The following TMEM255B variants were observed in gnomAD, a reference collection of about 807,000 sequenced individuals.
The protein encoded by TMEM255B is transmembrane protein 255B, also known as family with sequence similarity 70, member B.
TMEM255B carries 35 observed loss-of-function variants against 34.5 expected under a neutral mutation model. That is an observed-to-expected ratio of 1.01 (90% CI 0.77 to 1.34). TMEM255B has a LOEUF of 1.34. TMEM255B is among the 40% of genes most tolerant of loss of function. The pLI, the probability that TMEM255B is intolerant of heterozygous loss-of-function variation, is 0.00. For missense variants in TMEM255B, 432 were observed against 433.2 expected (o/e 1.00, Z 0.02); for synonymous variants, 206 against 201.2 (o/e 1.02, Z -0.20).
chr13:113,766,808 T>C (rs555589047), intron 2 of TMEM255B, among the ~76,000 whole-genome samples: 1 of 152,376 alleles, frequency 6.6e-6, no homozygotes, highest in South Asian at 2.1e-4. Context: ...GTGGTGGTGC[T>C]GACCTCATCC....
intron 8 of TMEM255B, among the ~76,000 whole-genome samples, chr13:113,805,575 A>G (rs558148647): frequency 3.6e-4 from 55 of 152,274 alleles, no homozygotes; most frequent in African/African-American, 1.3e-3. Context: ...CTTCTGTGCC[A>G]TGAAGCTCTG....
chr13:113,778,749 C>T (rs1240757822), intron 3 of TMEM255B, among the ~76,000 whole-genome samples: 2 of 152,152 alleles, frequency 1.3e-5, no homozygotes, highest in Non-Finnish European at 2.9e-5. Context: ...TGGGTGAGTC[C>T]GGATTTCACT....
At chr13:113,782,151 T>TTA (rs1200008728) in intron 3 of TMEM255B, among the ~76,000 whole-genome samples, 1 of 152,204 alleles carries the variant, frequency 6.6e-6, no homozygotes, top group Non-Finnish European at 1.5e-5. Flanking sequence ...CTTTACAACT[T>TTA]TTTAGTTTTG....
chr13:113,764,588 G>A (rs115590715), intron 1 of TMEM255B, among the ~76,000 whole-genome samples: 415 of 152,308 alleles, frequency 2.7e-3, no homozygotes, highest in African/African-American at 8.3e-3. Context: ...CATCCGGAGC[G>A]CCCTGTCCCC....
chr13:113,811,651 T>C, intron 8 of TMEM255B, 85 bp from the exon 9 acceptor site: 2 of 1,519,418 alleles, frequency 1.3e-6, no homozygotes, highest in Non-Finnish European at 9.0e-7. Context: ...AGCGTGTGAG[T>C]GGCCCTGGTA....
chr13:113,807,647 C>A (rs1205529757), intron 8 of TMEM255B, among the ~76,000 whole-genome samples: 1 of 110,060 alleles, frequency 9.1e-6, no homozygotes. Flanking sequence ...CTGTCACACG[C>A]AGGCTTACGG....
chr13:113,763,736 G>A (rs1566718135), intron 1 of TMEM255B, among the ~76,000 whole-genome samples: 1 of 152,190 alleles, frequency 6.6e-6, no homozygotes, highest in Non-Finnish European at 1.5e-5. Context: ...GCTCTTCTGA[G>A]CAGCGTAAAA....
Position 113,805,022 on chromosome 13 carries a change from C to A in TMEM255B, c.807C>A (p.Pro269=), listed in dbSNP as rs1341220268. 6.2e-7 allele frequency: 1 copy of A among 1,600,086 alleles called. No individual in the cohort carries two copies. The change falls in exon 8 of 9, where the codon CCC becomes CCA. Residue 269 remains proline, a synonymous_variant. Transcript: ENST00000375353. ...CGACCTGCTCGTCCTACCCTCTGCC[C>A]CTTCAGGTAGGGCCAGCATCACCTG... ...PVPTCSSYPL[P]LQPCSRFPVA...
At chr13:113,808,795 G>GGGC (rs1555302343) in intron 8 of TMEM255B, among the ~76,000 whole-genome samples, 2 of 108,694 alleles carry the variant, frequency 1.8e-5, no homozygotes, top group East Asian at 2.9e-4. Flanking sequence ...TGGTTCCTGG[G>GGGC]GGGGGGGTTA....
intron 4 of TMEM255B, among the ~76,000 whole-genome samples, chr13:113,797,468 C>T (rs576684550): frequency 1.3e-5 from 2 of 152,238 alleles, no homozygotes; most frequent in African/African-American, 2.4e-5. Flanking sequence ...CACCGCCCTC[C>T]CTCCCAGCAG....
Position 113,811,843 on chromosome 13 carries a change from A to T in TMEM255B, c.921A>T (p.Pro307=). 1 of 1,613,536 alleles carries T rather than the reference A, an allele frequency of 6.2e-7. No individual in the cohort carries two copies. Among genetic ancestry groups the T allele is most frequent in the Non-Finnish European group, 8.5e-7 (1 of 1,179,804 alleles). The stretch of plus-strand genomic sequence containing the variant: ...GCTCTGGGCTTCCCGGCCAGGCTCC[A>T]CCGTGCTACGCACCCACCTACTTTC... ...SSGSGLPGQA[P]PCYAPTYFPP... is the part of the protein sequence containing the mutation. Residue 307 remains proline (P), a synonymous_variant, in exon 9 of 9, where the codon CCA becomes CCT. Coordinates refer to ENST00000375353, the MANE Select transcript of TMEM255B (RefSeq NM_182614.4).
intron 2 of TMEM255B, chr13:113,768,828 A>C: frequency 3.6e-6 from 2 of 548,546 alleles, no homozygotes; most frequent in Non-Finnish European, 3.6e-6. Flanking sequence ...AGGAGTGGGA[A>C]CTTCTCTTAC....
At chr13:113,781,435 T>C (rs1167973557) in intron 3 of TMEM255B, among the ~76,000 whole-genome samples, 1 of 152,264 alleles carries the variant, frequency 6.6e-6, no homozygotes, top group African/African-American at 2.4e-5. Flanking sequence ...TTATAATCTT[T>C]TTACCAAAAG....
At chr13:113,800,169 T>G (rs577178244) in intron 5 of TMEM255B, 12 of 238,094 alleles carry the variant, frequency 5.0e-5, no homozygotes, top group Non-Finnish European at 6.6e-5. Context: ...TGTATGTGTG[T>G]GTGGAGGTGT....
chr13:113,792,069 G>A (rs1364933026), intron 3 of TMEM255B, among the ~76,000 whole-genome samples: 1 of 152,254 alleles, frequency 6.6e-6, no homozygotes, highest in Non-Finnish European at 1.5e-5. Context: ...ATCTTCCTCT[G>A]GGAAGGTGGA....
At chr13:113,804,455 C>G (rs373066554) in intron 7 of TMEM255B, among the ~76,000 whole-genome samples, 1 of 151,978 alleles carries the variant, frequency 6.6e-6, no homozygotes, top group Non-Finnish European at 1.5e-5. Context: ...TCTCCCCCCC[C>G]AAAAAATCAA....
At chr13:113,762,082 T>C (rs2050317763) in intron 1 of TMEM255B, among the ~76,000 whole-genome samples, 1 of 140,396 alleles carries the variant, frequency 7.1e-6, no homozygotes, top group Non-Finnish European at 1.5e-5. Context: ...ACAGTGCGTG[T>C]AATAACAGTA....
At chr13:113,791,969 C>T (rs1566734565) in intron 3 of TMEM255B, among the ~76,000 whole-genome samples, 3 of 152,294 alleles carry the variant, frequency 2.0e-5, no homozygotes, top group African/African-American at 7.2e-5. Context: ...CCGGCACCCA[C>T]GAGAAGGGTG....
chr13:113,773,651 G>A (rs76810899), intron 3 of TMEM255B, among the ~76,000 whole-genome samples: 341 of 152,358 alleles, frequency 2.2e-3, no homozygotes, highest in African/African-American at 7.8e-3. Flanking sequence ...CTGGGCTGAT[G>A]TTGTATGGTG....
Sources: gnomAD v4.1 joint callset for allele counts (sites outside exome capture counted in the v4.1 genomes callset) on GRCh38, gnomAD v4.1.1 for gene constraint, MANE v1.5 for transcripts, NCBI Gene and HGNC (gene_info 2026-07-23, HGNC 2026-07-21) for gene names.